Variants in POLR2M observed in about 807,000 individuals in gnomAD.
POLR2M encodes RNA polymerase II subunit M.
Under a neutral mutation model 34.6 loss-of-function variants are expected in POLR2M, and 30 were observed. That is an observed-to-expected ratio of 0.87 (90% CI 0.65 to 1.18). The LOEUF is 1.18. POLR2M is among the 50% of genes most tolerant of loss of function. The pLI, the probability that POLR2M is intolerant of heterozygous loss-of-function variation, is 0.00. For missense variants in POLR2M, 432 were observed against 448.7 expected (o/e 0.96, Z 0.34); for synonymous variants, 150 against 166.7 (o/e 0.90, Z 0.77).
intron 1 of POLR2M, among the ~76,000 whole-genome samples, chr15:57,708,453 A>C (rs1234724611): frequency 6.6e-6 from 1 of 152,210 alleles, no homozygotes; most frequent in Non-Finnish European, 1.5e-5. Flanking sequence ...TTATATGCTT[A>C]AAATACTTTT....
chr15:57,713,928 G>A (rs1298793509), intron 3 of POLR2M, among the ~76,000 whole-genome samples: 2 of 129,746 alleles, frequency 1.5e-5, no homozygotes, highest in Middle Eastern at 4.5e-3. Context: ...TGCAAGCTCC[G>A]CCTCCCGGGT....
At chr15:57,707,041 C>T in intron 1 of POLR2M, 86 bp downstream of exon 1, 1 of 1,551,740 alleles carries the variant, frequency 6.4e-7, no homozygotes, top group Non-Finnish European at 8.7e-7. Context: ...ACTCTGTTCC[C>T]TTCCCTGGAA....
At chr15:57,707,115 G>T (rs1312629805) in intron 1 of POLR2M, 160 bp downstream of exon 1, 6 of 1,544,270 alleles carry the variant, frequency 3.9e-6, no homozygotes, top group African/African-American at 2.7e-5. Flanking sequence ...GGCTTGCTGC[G>T]GCAGAGCCGT....
chr15:57,709,120 C>T lies in POLR2M; in HGVS notation c.520C>T (p.Arg174Trp), dbSNP rs749550237. 1.2e-5 allele frequency: 19 copies of T among 1,614,050 alleles called. No individual in the cohort carries two copies. Among genetic ancestry groups the T allele is most frequent in the African/African-American group, 2.7e-5 (2 of 74,908 alleles). ...ATCTGAAGCTAGTGAGCATCACCCGCGGCATCGTGTTTCAAGTCAAGCGGA... is the reference window on the plus strand; with the variant it reads ...ATCTGAAGCTAGTGAGCATCACCCGTGGCATCGTGTTTCAAGTCAAGCGGA... ...PSSEASEHHP[R>W]HRVSSQAEDT... Residue 174 changes from arginine to tryptophan, a missense_variant, in exon 2 of 4, where the codon CGG (arginine) becomes TGG (tryptophan). Physicochemically the swap from Arg to Trp is moderately radical, Grantham distance 101 (BLOSUM62 -3). Transcript: ENST00000299638.
chr15:57,707,642 C>T (rs1314554102), intron 1 of POLR2M: 1 of 416,096 alleles, frequency 2.4e-6, no homozygotes, highest in Non-Finnish European at 4.9e-6. Context: ...ACAGAGATGG[C>T]TGAAGTTTCC....
chr15:57,712,423 G>C (rs930864533), intron 3 of POLR2M, among the ~76,000 whole-genome samples: 1 of 152,184 alleles, frequency 6.6e-6, no homozygotes. Flanking sequence ...GAGATGTGGG[G>C]AGACTTGTAG....
In POLR2M at chr15:57,717,100, AACC is replaced by A. The variant is rs2040976843; in HGVS notation, c.*2426_*2428del. The A allele has an allele frequency of 1.3e-5, 2 of 152,296 alleles. No individual in the cohort carries two copies. The highest frequency in any genetic ancestry group is 2.9e-5 in the Non-Finnish European group (2 of 68,022). 9.4% of individuals were successfully genotyped at this position (152,296 alleles called of 1,614,324 possible). ...ATTTACCAATTGGTTCAGTATGTGA[AACC>A]ACCATTTCCCCTCTGATTAGTAATG... is the stretch of plus-strand genomic sequence containing the variant. On this transcript the variant is annotated 3_prime_UTR_variant, in exon 4 of 4. Coordinates refer to ENST00000299638, the MANE Select transcript of POLR2M (RefSeq NM_015532.5).
intron 1 of POLR2M, among the ~76,000 whole-genome samples, chr15:57,708,259 A>T (rs1189715024): frequency 1.3e-5 from 2 of 152,228 alleles, no homozygotes; most frequent in African/African-American, 2.4e-5. Flanking sequence ...ATGTCATCAC[A>T]TGCCATGTAG....
At chr15:57,707,255 C>T in intron 1 of POLR2M, 2 of 1,100,316 alleles carry the variant, frequency 1.8e-6, no homozygotes, top group South Asian at 3.3e-5. Context: ...CATGAGTCTG[C>T]TTTCTAAACC....
intron 2 of POLR2M, among the ~76,000 whole-genome samples, chr15:57,711,013 A>G (rs947665334): frequency 2.0e-5 from 3 of 152,194 alleles, no homozygotes; most frequent in African/African-American, 4.8e-5. Flanking sequence ...TTAGGTTTGC[A>G]TAGCCAATTA....
rs2040954931 is a variant in POLR2M at position 57,716,630 on chromosome 15, T to C, written c.*1951T>C. 6.6e-6 allele frequency: 1 copy of C among 152,288 alleles called. No homozygotes were observed. Among genetic ancestry groups the C allele is most frequent in the African/African-American group, 2.4e-5 (1 of 41,486 alleles). 9.4% of individuals were successfully genotyped at this position (152,288 alleles called of 1,614,324 possible). On this transcript the variant is annotated 3_prime_UTR_variant, in exon 4 of 4. Transcript: ENST00000299638. ...TACTTAGTGAAGGTTGTGTTTTTTT[T>C]CATATTCATTGGCCATGCTATATTC...
chr15:57,715,942 A>G lies in POLR2M; in HGVS notation c.*1263A>G, dbSNP rs1406047153. Reference sequence around the variant, plus strand: ...CCCCCCTCAAGCAAATGTGAAAAGTATACTGACCTAAGATTCTCATTAGTT... The same window carrying G: ...CCCCCCTCAAGCAAATGTGAAAAGTGTACTGACCTAAGATTCTCATTAGTT... On this transcript the variant is annotated 3_prime_UTR_variant, in exon 4 of 4. Coordinates refer to ENST00000299638, the MANE Select transcript of POLR2M (RefSeq NM_015532.5). 14 of 152,302 alleles carry G rather than the reference A, an allele frequency of 9.2e-5. No homozygotes were observed. Among genetic ancestry groups the G allele is most frequent in the African/African-American group, 1.7e-4 (7 of 41,484 alleles). 9.4% of individuals were successfully genotyped at this position (152,302 alleles called of 1,614,324 possible).
At chr15:57,713,041 A>G (rs1013447659) in intron 3 of POLR2M, among the ~76,000 whole-genome samples, 3 of 152,042 alleles carry the variant, frequency 2.0e-5, no homozygotes, top group Admixed American at 6.6e-5. Context: ...TCTTTACCAA[A>G]AAATTAGCCG....
intron 1 of POLR2M, 181 bp downstream of exon 1, chr15:57,707,136 G>A: frequency 6.5e-7 from 1 of 1,534,638 alleles, no homozygotes; most frequent in South Asian, 1.2e-5. Context: ...GCCTCTTCCT[G>A]GCCAGGCACG....
chr15:57,711,027 A>G lies in POLR2M; in HGVS notation c.759-957A>G, dbSNP rs184265130. On this transcript the variant is annotated intron_variant, in intron 2 of 3. Transcript: ENST00000299638. ...TTTAGGTTTGCATAGCCAATTAACC[A>G]TGAAACTTGATCACTTGGGTGTTCC... Among the ~76,000 whole-genome samples, 374 of 152,328 alleles carry G rather than the reference A, an allele frequency of 2.5e-3. 1 individual carries two copies. The highest frequency in any genetic ancestry group is 8.5e-3 in the African/African-American group (355 of 41,564).
intron 2 of POLR2M, among the ~76,000 whole-genome samples, 172 bp from the exon 3 acceptor site, chr15:57,711,812 G>A (rs1465743443): frequency 1.3e-5 from 2 of 151,774 alleles, no homozygotes; most frequent in Non-Finnish European, 2.9e-5. Flanking sequence ...CAAAGAGCCT[G>A]TATGCACACA....
At position 57,715,315 on chromosome 15, in the gene POLR2M, T is replaced by C. The variant is rs538142036; in HGVS notation, c.*636T>C. ...AGATGCTGGAAAGTGGAGGTTTTTT[T>C]TGTTGGTTTGTTTGTTTGGTTTTGT... On this transcript the variant is annotated 3_prime_UTR_variant, in exon 4 of 4. Coordinates refer to ENST00000299638, the MANE Select transcript of POLR2M (RefSeq NM_015532.5). 6 of 152,846 alleles carry C rather than the reference T, an allele frequency of 3.9e-5. No homozygotes were observed. The East Asian group carries it at 9.6e-4, about 25-fold the overall frequency. The allele number at this position is 152,846 out of a possible 1,614,324, so 9.5% of individuals were successfully genotyped here.
chr15:57,707,184 G>C, intron 1 of POLR2M: 1 of 1,479,596 alleles, frequency 6.8e-7, no homozygotes, highest in South Asian at 1.4e-5. Context: ...ACGGCTACCT[G>C]GCGTTGCAGG....
chr15:57,713,558 A>G (rs1226615953), intron 3 of POLR2M, among the ~76,000 whole-genome samples: 1 of 152,202 alleles, frequency 6.6e-6, no homozygotes, highest in Non-Finnish European at 1.5e-5. Flanking sequence ...TGAATTAGGA[A>G]TGACATTGCC....
Sources: gnomAD v4.1 joint callset for allele counts (sites outside exome capture counted in the v4.1 genomes callset) on GRCh38, gnomAD v4.1.1 for gene constraint, MANE v1.5 for transcripts, NCBI Gene and HGNC (gene_info 2026-07-23, HGNC 2026-07-21) for gene names.